Variants in CHST11 observed in about 807,000 individuals in gnomAD.
CHST11 encodes the protein carbohydrate sulfotransferase 11.
CHST11 carries 9 observed loss-of-function variants against 30.4 expected under a neutral mutation model. The ratio of observed to expected loss-of-function variants is 0.30; its 90% CI spans 0.18 to 0.52. CHST11 has a LOEUF of 0.52. Among genes scored for constraint, CHST11 ranks in the 20% least tolerant of loss-of-function variants. CHST11 has a pLI of 0.97. For missense variants in CHST11, 348 were observed against 460.6 expected (o/e 0.76, Z 2.24); for synonymous variants, 152 against 187.8 (o/e 0.81, Z 1.56).
intron 2 of CHST11, among the ~76,000 whole-genome samples, chr12:104,756,532 G>GGGGGGTGTGTGTGTGT (rs1555250374): frequency 4.3e-4 from 61 of 143,396 alleles, no homozygotes; most frequent in East Asian, 1.4e-3. Context: ...ATCCATGTGG[G>GGGGGGTGTGTGTGTGT]GTGTGTGTGT....
At chr12:104,598,331 G>T (rs1187234930) in intron 1 of CHST11, among the ~76,000 whole-genome samples, 1 of 152,152 alleles carries the variant, frequency 6.6e-6, no homozygotes, top group Non-Finnish European at 1.5e-5. Flanking sequence ...CAGCTTCTAG[G>T]GAGGGTCCGA....
chr12:104,462,178 A>G (rs1200989231), intron 1 of CHST11, among the ~76,000 whole-genome samples: 1 of 149,600 alleles, frequency 6.7e-6, no homozygotes, highest in Non-Finnish European at 1.5e-5. Flanking sequence ...AAAAAAAAAA[A>G]AAAAAAAGAA....
At position 104,458,599 on chromosome 12, in the gene CHST11, G is replaced by A. The variant is rs895582314; in HGVS notation, c.118+1070G>A. Among the ~76,000 whole-genome samples the A allele has an allele frequency of 5.3e-5, 8 of 152,242 alleles. No individual in the cohort carries two copies. The highest frequency in any genetic ancestry group is 1.7e-4 in the African/African-American group (7 of 41,472). ...TTCCGAGAAGCCTTCCGGGTAACGC[G>A]GGTCTCCCCGCCAAGCCGTGGCTCC... On this transcript the variant is annotated intron_variant, in intron 1 of 2. Coordinates refer to ENST00000303694, the MANE Select transcript of CHST11 (RefSeq NM_018413.6). The surrounding 1 kb of genome is among the most constrained non-coding windows in gnomAD (Gnocchi z 5.7).
At chr12:104,474,559 C>CTTA (rs1375679303) in intron 1 of CHST11, among the ~76,000 whole-genome samples, 2 of 152,182 alleles carry the variant, frequency 1.3e-5, no homozygotes, top group African/African-American at 2.4e-5. Context: ...AAATCCAGGG[C>CTTA]TGATAGTAAG....
chr12:104,514,996 C>G (rs1211468729), intron 1 of CHST11, among the ~76,000 whole-genome samples: 1 of 152,060 alleles, frequency 6.6e-6, no homozygotes, highest in Non-Finnish European at 1.5e-5. Flanking sequence ...TGTGAAAGGA[C>G]TCTGGGTCGT....
chr12:104,666,040 G>A (rs2039639742), intron 2 of CHST11, among the ~76,000 whole-genome samples: 1 of 151,834 alleles, frequency 6.6e-6, no homozygotes, highest in Non-Finnish European at 1.5e-5. Context: ...GGATGGTCTT[G>A]ATCTCCCGAC....
chr12:104,631,917 C>T (rs1048194959), intron 2 of CHST11, among the ~76,000 whole-genome samples: 4 of 152,306 alleles, frequency 2.6e-5, no homozygotes, highest in African/African-American at 7.2e-5. Context: ...CAGTCCCTTG[C>T]ATGTGAACTC....
intron 2 of CHST11, among the ~76,000 whole-genome samples, chr12:104,734,418 G>T (rs550886894): frequency 6.6e-6 from 1 of 152,184 alleles, no homozygotes; most frequent in East Asian, 1.9e-4. Flanking sequence ...ATCTCACCCC[G>T]GGCCCGTTGT....
intron 2 of CHST11, among the ~76,000 whole-genome samples, chr12:104,671,452 C>G (rs998697255): frequency 8.5e-5 from 13 of 152,164 alleles, no homozygotes; most frequent in African/African-American, 3.1e-4. Flanking sequence ...CTTGGAATGC[C>G]TGTCTACTGA....
intron 1 of CHST11, among the ~76,000 whole-genome samples, chr12:104,581,315 A>G (rs2038741897): frequency 6.6e-6 from 1 of 152,128 alleles, no homozygotes; most frequent in African/African-American, 2.4e-5. Context: ...ACATACTAAT[A>G]TTTGTTGAGA....
intron 2 of CHST11, among the ~76,000 whole-genome samples, chr12:104,628,969 A>T (rs923645547): frequency 6.6e-6 from 1 of 151,946 alleles, no homozygotes; most frequent in South Asian, 2.1e-4. Context: ...AACAAGGGGG[A>T]GCTGGATGGA....
rs34967812 is a variant in CHST11 at position 104,577,234 on chromosome 12, A to ATTTTTT, written c.119-24649_119-24644dup. ...GTGTATCTGAGGGCTGCAGCCCTTC[A>ATTTTTT]TTTTTTTTTTTTTTTTTTTTTTTTT... is the stretch of plus-strand genomic sequence containing the variant. On this transcript the variant is annotated intron_variant, in intron 1 of 2. Coordinates refer to ENST00000303694, the MANE Select transcript of CHST11 (RefSeq NM_018413.6). 1.8e-4 allele frequency among the ~76,000 whole-genome samples: 13 copies of ATTTTTT among 74,240 alleles called. 1 individual carries two copies. Among genetic ancestry groups the ATTTTTT allele is most frequent in the African/African-American group, 7.2e-4 (12 of 16,716 alleles). The allele number at this position is 74,240 out of a possible 152,430, so 48.7% of individuals were successfully genotyped here.
intron 2 of CHST11, among the ~76,000 whole-genome samples, chr12:104,720,749 G>T (rs1333580053): frequency 6.6e-6 from 1 of 151,858 alleles, no homozygotes; most frequent in Non-Finnish European, 1.5e-5. Flanking sequence ...AAATGGAGAG[G>T]ATCAGTGAGT....
intron 2 of CHST11, among the ~76,000 whole-genome samples, chr12:104,723,415 C>T (rs967855777): frequency 6.6e-6 from 1 of 152,258 alleles, no homozygotes; most frequent in Non-Finnish European, 1.5e-5. Context: ...CTGCACCACC[C>T]CTAACCCTGA....
chr12:104,486,746 G>A (rs193259474), intron 1 of CHST11, among the ~76,000 whole-genome samples: 2 of 152,166 alleles, frequency 1.3e-5, no homozygotes, highest in African/African-American at 2.4e-5. Flanking sequence ...CCCCTGAGCC[G>A]ACTGAAGGGG....
chr12:104,513,123 T>TGGTG (rs1555229062), intron 1 of CHST11, among the ~76,000 whole-genome samples: 616 of 3,334 alleles, frequency 0.18, 57 homozygotes, highest in East Asian at 0.38. Flanking sequence ...ATGTCATGAC[T>TGGTG]GGGGGGGGGG....
At chr12:104,734,745 A>G (rs2040285638) in intron 2 of CHST11, among the ~76,000 whole-genome samples, 1 of 152,144 alleles carries the variant, frequency 6.6e-6, no homozygotes, top group Admixed American at 6.5e-5. Context: ...GGTGAGGAGG[A>G]TTTGTGAGAA....
intron 1 of CHST11, among the ~76,000 whole-genome samples, chr12:104,550,474 G>GTC (rs34651142): frequency 0.15 from 23,143 of 152,128 alleles, 1,871 homozygotes; most frequent in East Asian, 0.23. Context: ...AGACCATACA[G>GTC]TCTGTCACAA....
chr12:104,479,779 AG>A (rs1288951850), intron 1 of CHST11, among the ~76,000 whole-genome samples: 5 of 152,206 alleles, frequency 3.3e-5, no homozygotes, highest in African/African-American at 1.2e-4. Context: ...TGTTGCTAGA[AG>A]ACAAATGTGT....
Sources: allele counts gnomAD v4.1 joint callset (sites outside exome capture counted in the v4.1 genomes callset), GRCh38; gene constraint gnomAD v4.1.1; non-coding constraint Gnocchi (gnomAD v3.1); transcripts MANE v1.5; gene names NCBI Gene and HGNC (gene_info 2026-07-23, HGNC 2026-07-21).